GSDMC: variants seen among roughly 807,000 people sequenced by gnomAD.
GSDMC encodes the protein gasdermin C.
GSDMC carries 59 observed loss-of-function variants against 58.0 expected under a neutral mutation model. The ratio of observed to expected loss-of-function variants is 1.02; its 90% CI spans 0.82 to 1.26. The LOEUF is 1.26. Ranked by LOEUF, GSDMC falls within the 50% of genes most tolerant of loss-of-function variation. GSDMC has a pLI of 0.00. For synonymous variants in GSDMC, 241 were observed against 220.2 expected, an observed-to-expected ratio of 1.09 and a Z score of -0.83; for missense variants, 659 against 598.5, an observed-to-expected ratio of 1.10 and a Z score of -1.06.
At chr8:129,709,393 A>C in the GSDMC span, among the ~76,000 whole-genome samples, 1 of 152,202 alleles carries the variant, frequency 6.6e-6, no homozygotes, top group Non-Finnish European at 1.5e-5. Flanking sequence ...GTTCAGCTTC[A>C]AACTCTTTTA....
intron 1 of GSDMC, among the ~76,000 whole-genome samples, chr8:129,784,830 T>C (rs1466808020): frequency 6.6e-6 from 1 of 152,128 alleles, no homozygotes; most frequent in African/African-American, 2.4e-5. Flanking sequence ...ATAGCCAAGA[T>C]TGGGAAGCAA....
intron 6 of GSDMC, among the ~76,000 whole-genome samples, chr8:129,754,761 T>C (rs1038755977): frequency 1.3e-5 from 2 of 152,048 alleles, no homozygotes; most frequent in Non-Finnish European, 2.9e-5. Flanking sequence ...AAAAAAGAAA[T>C]TGAAATAATT....
At chr8:129,749,600 C>A in intron 12 of GSDMC, 75 bp from the exon 13 acceptor site, 3 of 1,073,622 alleles carry the variant, frequency 2.8e-6, no homozygotes, top group Non-Finnish European at 4.3e-6. Context: ...AAGCAGGAGA[C>A]CCCCTGAGAG....
At chr8:129,751,438 G>T (rs2033185434) in intron 10 of GSDMC, 104 bp downstream of exon 10, 2 of 855,970 alleles carry the variant, frequency 2.3e-6, no homozygotes, top group Non-Finnish European at 3.7e-6. Flanking sequence ...TGCAAATTTG[G>T]AAGTGGACCT....
At chr8:129,737,803 T>C in the GSDMC span, among the ~76,000 whole-genome samples, 2 of 152,246 alleles carry the variant, frequency 1.3e-5, no homozygotes, top group East Asian at 3.9e-4. Flanking sequence ...AAAGCCAAAA[T>C]AGACAAATAG....
Position 129,748,535 on chromosome 8 carries a change from G to A in GSDMC, c.1493C>T (p.Thr498Ile). The change falls in exon 14 of 14, where the codon ACT becomes ATT. Residue 498 changes from threonine to isoleucine, a missense_variant. Thr to Ile is a moderately conservative substitution (Grantham distance 89, BLOSUM62 -1). Transcript: ENST00000276708. Reference sequence around the variant, plus strand: ...AGCCAGCTGCTGCAGCAACGAGAGAGTCCCATAGAGGGCAGACAGGGGCAT... The same window carrying A: ...AGCCAGCTGCTGCAGCAACGAGAGAATCCCATAGAGGGCAGACAGGGGCAT... ...AKMPLSALYG[T>I]LSLLQQLAEA is the part of the protein sequence containing the mutation. The A allele has an allele frequency of 1.2e-6, 2 of 1,612,448 alleles. No individual in the cohort carries two copies. The highest frequency in any genetic ancestry group is 8.5e-7 in the Non-Finnish European group (1 of 1,179,218).
chr8:129,781,198 G>T (rs1431423320), intron 1 of GSDMC, among the ~76,000 whole-genome samples: 1 of 152,026 alleles, frequency 6.6e-6, no homozygotes, highest in African/African-American at 2.4e-5. Flanking sequence ...AACATTAAAT[G>T]TAAATGAACT....
chr8:129,735,923 T>C, the GSDMC span, among the ~76,000 whole-genome samples: 2 of 151,374 alleles, frequency 1.3e-5, no homozygotes, highest in African/African-American at 4.9e-5. Context: ...ACTAATAAAG[T>C]AGAAAAGAGA....
the GSDMC span, among the ~76,000 whole-genome samples, chr8:129,740,761 T>C: frequency 3.3e-5 from 5 of 152,238 alleles, no homozygotes; most frequent in Admixed American, 2.6e-4. Context: ...AGCAGATGTA[T>C]GGATTGCAAA....
intron 9 of GSDMC, 120 bp from the exon 10 acceptor site, chr8:129,751,688 C>G: frequency 1.8e-6 from 2 of 1,101,168 alleles, no homozygotes; most frequent in South Asian, 2.7e-5. Flanking sequence ...CTTCCTGCCC[C>G]CATTCCCATT....
the GSDMC span, among the ~76,000 whole-genome samples, chr8:129,720,092 T>C: frequency 6.6e-6 from 1 of 152,106 alleles, no homozygotes; most frequent in African/African-American, 2.4e-5. Context: ...GAAAAGACAC[T>C]CAATCATGTA....
In GSDMC at chr8:129,750,056, G is replaced by T. The variant is rs1289205515; in HGVS notation, c.1147C>A (p.Gln383Lys). 6.2e-7 allele frequency: 1 copy of T among 1,610,224 alleles called. No homozygotes were observed. The highest frequency in any genetic ancestry group is 8.5e-7 in the Non-Finnish European group (1 of 1,177,904). The stretch of plus-strand genomic sequence containing the variant: ...TTAAACCATGCATGGTTTGAATCCT[G>T]TTGAAGTTTCTTTAGGATGGCACCA... ...PGGAILKKLQQDSNHAWFNPK... is the reference protein window; with the variant it reads ...PGGAILKKLQKDSNHAWFNPK... The change falls in exon 12 of 14, where the codon CAG becomes AAG. Residue 383 changes from glutamine (Q) to lysine (K), a missense_variant. By Grantham distance (53) the Gln-to-Lys change is moderately conservative (BLOSUM62 1). Transcript: ENST00000276708.
Position 129,777,528 on chromosome 8 carries a change from G to A in GSDMC, c.60C>T (p.Asp20=), listed in dbSNP as rs748144989. Residue 20 remains aspartate (D), a synonymous_variant, in exon 2 of 14, where the codon GAC becomes GAT. Coordinates refer to ENST00000276708, the MANE Select transcript of GSDMC (RefSeq NM_031415.3). ...KNLVKEIGSK[D]LTPVKYLLSA... is the part of the protein sequence containing the mutation. ...TCAATAGGTATTTGACAGGTGTCAGGTCTTTGCTTCCAATCTCTTTGACCA... is the reference window on the plus strand; with the variant it reads ...TCAATAGGTATTTGACAGGTGTCAGATCTTTGCTTCCAATCTCTTTGACCA... 2.5e-5 allele frequency: 41 copies of A among 1,613,336 alleles called. No homozygotes were observed. The highest frequency in any genetic ancestry group is 8.3e-5 in the Admixed American group (5 of 59,990).
chr8:129,777,426 G>A lies in GSDMC; in HGVS notation c.162C>T (p.Asp54=). The change falls in exon 2 of 14, where the codon GAC becomes GAT. Residue 54 remains aspartate (D), a synonymous_variant. Coordinates refer to ENST00000276708, the MANE Select transcript of GSDMC (RefSeq NM_031415.3). The part of the protein sequence containing the change: ...DSRSSFWEQS[D]YVPVEFSLND... ...TGAGGGAGAATTCAACTGGAACATA[G>A]TCAGATTGTTCCCAAAATGATGAAC... is the stretch of plus-strand genomic sequence containing the variant. 1 of 1,613,572 alleles carries A rather than the reference G, an allele frequency of 6.2e-7. No homozygotes were observed. Among genetic ancestry groups the A allele is most frequent in the African/African-American group, 1.3e-5 (1 of 75,042 alleles).
chr8:129,751,772 G>T, intron 9 of GSDMC, 90 bp downstream of exon 9: 1 of 1,369,310 alleles, frequency 7.3e-7, no homozygotes, highest in Non-Finnish European at 1.0e-6. Flanking sequence ...GGGCGGTGGT[G>T]GCAAAGGCGA....
downstream of GSDMC, among the ~76,000 whole-genome samples, chr8:129,746,454 T>C (rs72718320): frequency 0.027 from 4,167 of 152,184 alleles, 86 homozygotes; most frequent in Non-Finnish European, 0.042. Context: ...AGATAATGTA[T>C]GGAGAATCCT....
the GSDMC span, among the ~76,000 whole-genome samples, chr8:129,715,731 A>G: frequency 9.6e-4 from 147 of 152,338 alleles, no homozygotes; most frequent in African/African-American, 3.5e-3. Flanking sequence ...GGAAATGTGG[A>G]TCTACGCAGT....
At chr8:129,718,011 C>T in the GSDMC span, among the ~76,000 whole-genome samples, 26 of 152,098 alleles carry the variant, frequency 1.7e-4, no homozygotes, top group African/African-American at 6.3e-4. Flanking sequence ...ACACCTTATA[C>T]AAAAATTCAC....
chr8:129,778,353 C>T (rs1481379788), intron 1 of GSDMC, among the ~76,000 whole-genome samples: 2 of 152,058 alleles, frequency 1.3e-5, no homozygotes, highest in Non-Finnish European at 2.9e-5. Flanking sequence ...GTGTTGGATG[C>T]ATATATGTCT....
Sources: gnomAD v4.1 joint callset for allele counts (sites outside exome capture counted in the v4.1 genomes callset) on GRCh38, gnomAD v4.1.1 for gene constraint, MANE v1.5 for transcripts, NCBI Gene and HGNC (gene_info 2026-07-23, HGNC 2026-07-21) for gene names.